Variants in TMEM132D observed in about 807,000 individuals in gnomAD.
TMEM132D encodes the protein transmembrane protein 132D, also known as mature OL transmembrane protein.
TMEM132D carries 21 observed loss-of-function variants against 62.3 expected under a neutral mutation model. That is an observed-to-expected ratio of 0.34 (90% confidence interval 0.24 to 0.49). TMEM132D has a LOEUF of 0.49. Among genes scored for constraint, TMEM132D ranks in the 20% least tolerant of loss-of-function variants. TMEM132D has a pLI of 0.99. For synonymous variants in TMEM132D, 621 were observed against 575.6 expected, an observed-to-expected ratio of 1.08 and a Z score of -1.13; for missense variants, 1,346 against 1,402.8, an observed-to-expected ratio of 0.96 and a Z score of 0.65.
At chr12:129,209,274 C>T (rs771763976) in intron 5 of TMEM132D, among the ~76,000 whole-genome samples, 2 of 152,128 alleles carry the variant, frequency 1.3e-5, no homozygotes, top group Non-Finnish European at 2.9e-5. Flanking sequence ...GGGCATTCGG[C>T]GAACACAGAG....
At position 129,388,337 on chromosome 12, in the gene TMEM132D, G is replaced by T. The variant is rs201807445; in HGVS notation, c.1116-50520C>A. Among the ~76,000 whole-genome samples, 12 of 52,874 alleles carry T rather than the reference G, an allele frequency of 2.3e-4. No homozygotes were observed. The East Asian group carries it at 3.4e-3, about 15-fold the overall frequency. The allele number at this position is 52,874 out of a possible 152,430, so 34.7% of individuals were successfully genotyped here. On this transcript the variant is annotated intron_variant, in intron 3 of 8. Transcript: ENST00000422113. ...GAATCCTAATATAAACACTAACACC[G>T]ACACCAATACTAACACCAACACCAA... is the stretch of plus-strand genomic sequence containing the variant.
At chr12:129,665,030 AAC>A (rs1880342366) in intron 2 of TMEM132D, among the ~76,000 whole-genome samples, 1 of 152,118 alleles carries the variant, frequency 6.6e-6, no homozygotes, top group Non-Finnish European at 1.5e-5. Flanking sequence ...CTACACGCTT[AAC>A]TACTACCACA....
chr12:129,457,382 T>C (rs952271872), intron 3 of TMEM132D, among the ~76,000 whole-genome samples: 8 of 141,834 alleles, frequency 5.6e-5, no homozygotes, highest in Non-Finnish European at 9.0e-5. Context: ...TAGGTGGGAA[T>C]TGAACAATGA....
intron 4 of TMEM132D, among the ~76,000 whole-genome samples, chr12:129,225,609 A>T (rs563792833): frequency 6.6e-6 from 1 of 152,348 alleles, no homozygotes; most frequent in South Asian, 2.1e-4. Context: ...GAGAGTTCTT[A>T]TGCGGATCCA....
chr12:129,708,015 G>T (rs1411667889), intron 1 of TMEM132D, among the ~76,000 whole-genome samples: 1 of 152,124 alleles, frequency 6.6e-6, no homozygotes, highest in Non-Finnish European at 1.5e-5. Flanking sequence ...TCCAGAGTTC[G>T]AGACCAGCTT....
intron 4 of TMEM132D, among the ~76,000 whole-genome samples, chr12:129,311,897 C>T (rs572290501): frequency 2.6e-5 from 4 of 152,286 alleles, no homozygotes; most frequent in East Asian, 1.9e-4. Flanking sequence ...TGAGATCAAA[C>T]AGGCTTGTGG....
intron 1 of TMEM132D, among the ~76,000 whole-genome samples, chr12:129,711,414 T>C (rs1881640244): frequency 2.0e-5 from 3 of 152,154 alleles, no homozygotes; most frequent in African/African-American, 7.2e-5. Context: ...CCTGCTCAAA[T>C]GGGCGGTTGT....
chr12:129,563,642 G>A (rs1469832467), intron 2 of TMEM132D, among the ~76,000 whole-genome samples: 1 of 152,130 alleles, frequency 6.6e-6, no homozygotes, highest in Non-Finnish European at 1.5e-5. Context: ...GTCAAATAAA[G>A]TTGTCCTTTT....
Position 129,163,828 on chromosome 12 carries a change from C to T in TMEM132D, c.1443+45692G>A, listed in dbSNP as rs187513097. Among the ~76,000 whole-genome samples the T allele has an allele frequency of 2.0e-4, 31 of 152,324 alleles. 1 individual carries two copies. Among genetic ancestry groups the T allele is most frequent in the Admixed American group, 1.3e-3 (20 of 15,308 alleles). ...TTCCTGTCAGTCCAGACTGATACAG[C>T]GATAATTGGCTACTTTATTCTAATC... On this transcript the variant is annotated intron_variant, in intron 5 of 8. Coordinates refer to ENST00000422113, the MANE Select transcript of TMEM132D (RefSeq NM_133448.3).
intron 3 of TMEM132D, among the ~76,000 whole-genome samples, chr12:129,526,576 C>G (rs1306525399): frequency 1.3e-5 from 2 of 152,236 alleles, no homozygotes; most frequent in Non-Finnish European, 2.9e-5. Context: ...AGCCACCACT[C>G]CCAGCCTCTT....
intron 3 of TMEM132D, among the ~76,000 whole-genome samples, chr12:129,506,071 G>A (rs1207717609): frequency 6.6e-6 from 1 of 152,102 alleles, no homozygotes; most frequent in African/African-American, 2.4e-5. Context: ...CATGCTATTT[G>A]TTGCCTGAAT....
At chr12:129,343,789 G>A (rs1348661090) in intron 3 of TMEM132D, among the ~76,000 whole-genome samples, 2 of 149,752 alleles carry the variant, frequency 1.3e-5, no homozygotes, top group South Asian at 2.1e-4. Context: ...AAAAACAAAT[G>A]AGCCGGGCAT....
intron 1 of TMEM132D, among the ~76,000 whole-genome samples, chr12:129,863,109 C>A (rs2137370022): frequency 1.3e-5 from 2 of 152,238 alleles, no homozygotes; most frequent in Middle Eastern, 6.8e-3. Flanking sequence ...GGTTATCAGA[C>A]AAATGTGGGC....
chr12:129,838,792 G>A (rs1456159839), intron 1 of TMEM132D, among the ~76,000 whole-genome samples: 1 of 152,082 alleles, frequency 6.6e-6, no homozygotes, highest in Non-Finnish European at 1.5e-5. Flanking sequence ...CAAATTAAAA[G>A]ACTAATGAGA....
chr12:129,697,125 C>T (rs753097852), intron 2 of TMEM132D, among the ~76,000 whole-genome samples: 2 of 152,138 alleles, frequency 1.3e-5, no homozygotes, highest in Non-Finnish European at 2.9e-5. Context: ...CAGTCGCTAT[C>T]AACAAAGAAC....
intron 4 of TMEM132D, among the ~76,000 whole-genome samples, chr12:129,271,893 T>C (rs574441678): frequency 2.0e-5 from 3 of 152,044 alleles, no homozygotes; most frequent in South Asian, 2.1e-4. Context: ...GTCTTTCTAG[T>C]AGAATGTTTT....
chr12:129,074,003 C>T lies in TMEM132D; in HGVS notation c.3172G>A (p.Glu1058Lys), dbSNP rs1485337608. ...ACGATGGAGTTCCTGGTGGGGTACT[C>T]GTCGTCTGAGGAGACGGCGGTGAAG... ...TTFTAVSSDD[E>K]YPTRNSIVMS... is the part of the protein sequence containing the mutation. The change falls in exon 9 of 9, where the codon GAG (glutamate) becomes AAG (lysine). Residue 1058 changes from glutamate to lysine, a missense_variant. Physicochemically the swap from Glu to Lys is moderately conservative, Grantham distance 56. Transcript: ENST00000422113. 20 of 1,613,876 alleles carry T rather than the reference C, an allele frequency of 1.2e-5. No homozygotes were observed. The highest frequency in any genetic ancestry group is 1.6e-4 in the Middle Eastern group (1 of 6,084).
At chr12:129,311,141 T>C (rs1881963648) in intron 4 of TMEM132D, among the ~76,000 whole-genome samples, 2 of 82,674 alleles carry the variant, frequency 2.4e-5, no homozygotes, top group South Asian at 9.4e-4. Context: ...GAGCTTGCAG[T>C]GAGCCGAGAT....
At chr12:129,124,841 C>T (rs1307772300) in intron 5 of TMEM132D, among the ~76,000 whole-genome samples, 8 of 152,168 alleles carry the variant, frequency 5.3e-5, no homozygotes. Context: ...TTTGGGAAGA[C>T]CTATGCATCA....
Sources: gnomAD v4.1 joint callset for allele counts (sites outside exome capture counted in the v4.1 genomes callset) on GRCh38, gnomAD v4.1.1 for gene constraint, MANE v1.5 for transcripts, NCBI Gene and HGNC (gene_info 2026-07-23, HGNC 2026-07-21) for gene names.